CADM2: variants seen among roughly 807,000 people sequenced by gnomAD.
CADM2 encodes immunoglobulin superfamily member 4D.
CADM2 carries 12 observed loss-of-function variants against 49.8 expected under a neutral mutation model. The ratio of observed to expected loss-of-function variants is 0.24; its 90% CI spans 0.15 to 0.39. CADM2 has a LOEUF of 0.39. CADM2 is among the 10% of genes least tolerant of loss of function. The probability of loss-of-function intolerance (pLI) is 1.00; values close to 1 mark genes in which losing one functional copy is unlikely to be tolerated. For synonymous variants in CADM2, 214 were observed against 175.4 expected (o/e 1.22, Z -1.74); for missense variants, 378 against 492.3 (o/e 0.77, Z 2.20).
At chr3:85,015,948 C>T (rs1469020240) in intron 1 of CADM2, among the ~76,000 whole-genome samples, 4 of 152,114 alleles carry the variant, frequency 2.6e-5, no homozygotes, top group Admixed American at 2.6e-4. Flanking sequence ...ATTATAAAAG[C>T]ATCCTTCAGG....
chr3:85,573,785 ATT>A (rs1677649523), intron 1 of CADM2, among the ~76,000 whole-genome samples: 1 of 152,034 alleles, frequency 6.6e-6, no homozygotes, highest in African/African-American at 2.4e-5. Context: ...CTGCTTTACT[ATT>A]TTCAAAATCT....
Position 85,458,297 on chromosome 3 carries a change from T to C in CADM2, c.62-268225T>C, listed in dbSNP as rs192369483. ...CACCATGCCCTGCACATAACAGGGA[T>C]ATTATAAACTTATGCATTTATTATT... On this transcript the variant is annotated intron_variant, in intron 1 of 9. Transcript: ENST00000383699. 2.0e-5 allele frequency among the ~76,000 whole-genome samples: 3 copies of C among 152,322 alleles called. No homozygotes were observed. In the East Asian group the frequency reaches 5.8e-4, roughly 29 times the overall value.
intron 8 of CADM2, among the ~76,000 whole-genome samples, chr3:86,038,185 C>G (rs898393237): frequency 6.6e-6 from 1 of 152,050 alleles, no homozygotes; most frequent in Non-Finnish European, 1.5e-5. Flanking sequence ...GAAAAAACAA[C>G]AACAAAAAAC....
intron 1 of CADM2, among the ~76,000 whole-genome samples, chr3:85,615,329 G>T (rs1191761276): frequency 1.3e-5 from 2 of 151,910 alleles, no homozygotes; most frequent in African/African-American, 2.4e-5. Context: ...ATTTTGCTAT[G>T]TTTCAGTGAA....
intron 8 of CADM2, among the ~76,000 whole-genome samples, chr3:86,033,727 G>T (rs1273595059): frequency 1.4e-5 from 2 of 143,276 alleles, no homozygotes; most frequent in African/African-American, 5.1e-5. Flanking sequence ...ATATAAACTT[G>T]AAGTGGATCA....
intron 3 of CADM2, among the ~76,000 whole-genome samples, chr3:85,815,307 G>A (rs999572502): frequency 2.0e-5 from 3 of 152,014 alleles, no homozygotes; most frequent in African/African-American, 7.2e-5. Flanking sequence ...GAAAATTTCA[G>A]GCCAATATCC....
chr3:85,514,828 C>T (rs558273013), intron 1 of CADM2, among the ~76,000 whole-genome samples: 4 of 152,160 alleles, frequency 2.6e-5, no homozygotes, highest in South Asian at 2.1e-4. Context: ...TTTCCTATTT[C>T]GGTAAGCAAT....
chr3:85,042,000 G>A (rs760914149), intron 1 of CADM2, among the ~76,000 whole-genome samples: 1 of 152,166 alleles, frequency 6.6e-6, no homozygotes, highest in Non-Finnish European at 1.5e-5. Context: ...TTTCACACAT[G>A]CATAATATTG....
intron 1 of CADM2, among the ~76,000 whole-genome samples, chr3:85,290,145 G>C (rs2043745918): frequency 6.6e-6 from 1 of 152,288 alleles, no homozygotes; most frequent in East Asian, 1.9e-4. Context: ...CAAGGGGTCA[G>C]GGAGTTCCCT....
chr3:85,352,428 GA>G (rs1250820866), intron 1 of CADM2, among the ~76,000 whole-genome samples: 4 of 151,986 alleles, frequency 2.6e-5, no homozygotes, highest in South Asian at 2.1e-4. Context: ...TGTTATCGGT[GA>G]AAAAAACCAG....
At chr3:85,190,797 A>G (rs142242316) in intron 1 of CADM2, among the ~76,000 whole-genome samples, 50 of 152,256 alleles carry the variant, frequency 3.3e-4, no homozygotes, top group African/African-American at 1.2e-3. Flanking sequence ...TACCGAGTTC[A>G]TAAGTTTTAA....
chr3:85,395,873 T>C (rs2034761051), intron 1 of CADM2, among the ~76,000 whole-genome samples: 1 of 150,460 alleles, frequency 6.6e-6, no homozygotes, highest in African/African-American at 2.4e-5. Context: ...ATGTTTTAAT[T>C]ACTGTCTTCC....
intron 6 of CADM2, among the ~76,000 whole-genome samples, chr3:85,933,766 A>G (rs1468921440): frequency 6.6e-6 from 1 of 152,140 alleles, no homozygotes. Flanking sequence ...CAGACCCAGA[A>G]AGACCCAAGG....
intron 1 of CADM2, among the ~76,000 whole-genome samples, chr3:85,031,000 C>A (rs2034954157): frequency 6.6e-6 from 1 of 152,082 alleles, no homozygotes; most frequent in Non-Finnish European, 1.5e-5. Flanking sequence ...GTACTACAGA[C>A]CAGTAATTGT....
At chr3:85,203,408 A>G (rs2041558029) in intron 1 of CADM2, among the ~76,000 whole-genome samples, 1 of 152,152 alleles carries the variant, frequency 6.6e-6, no homozygotes. Context: ...GAAAGTGTCA[A>G]GGGAAGGGTG....
At chr3:85,428,839 C>G (rs1298939393) in intron 1 of CADM2, among the ~76,000 whole-genome samples, 2 of 151,230 alleles carry the variant, frequency 1.3e-5, no homozygotes, top group Non-Finnish European at 3.0e-5. Context: ...ACTCTTTTGC[C>G]TCTTTAGGTT....
At chr3:85,312,890 A>ATT (rs1576332164) in intron 1 of CADM2, among the ~76,000 whole-genome samples, 1 of 152,180 alleles carries the variant, frequency 6.6e-6, no homozygotes, top group Non-Finnish European at 1.5e-5. Flanking sequence ...AATATTATGT[A>ATT]TTAAGAATTA....
chr3:85,602,664 C>G (rs1322170747), intron 1 of CADM2, among the ~76,000 whole-genome samples: 1 of 151,640 alleles, frequency 6.6e-6, no homozygotes, highest in Non-Finnish European at 1.5e-5. Flanking sequence ...TTCTTATACA[C>G]CCACTTAATC....
intron 1 of CADM2, among the ~76,000 whole-genome samples, chr3:85,658,131 C>T (rs1041151414): frequency 6.6e-6 from 1 of 151,934 alleles, no homozygotes; most frequent in African/African-American, 2.4e-5. Flanking sequence ...AGAGCACATT[C>T]CATTCACACA....
Sources: gnomAD v4.1 joint callset for allele counts (sites outside exome capture counted in the v4.1 genomes callset) on GRCh38, gnomAD v4.1.1 for gene constraint, MANE v1.5 for transcripts, NCBI Gene and HGNC (gene_info 2026-07-23, HGNC 2026-07-21) for gene names.